The following INSL6 variants were observed in gnomAD, a reference collection of about 807,000 sequenced individuals.
INSL6 encodes insulin like 6, also known as insulin-like peptide INSL6.
In INSL6, 16 loss-of-function variants were observed where a neutral mutation model predicts 9.4. The observed-to-expected ratio is 1.70, with a 90% CI of 1.15 to 2.59. INSL6 has a LOEUF of 2.59. Among genes scored for constraint, INSL6 ranks in the 30% most tolerant of loss-of-function variants. The pLI, the probability that INSL6 is intolerant of heterozygous loss-of-function variation, is 0.00. For synonymous variants in INSL6, 154 were observed against 96.9 expected (o/e 1.59, Z -3.46); for missense variants, 391 against 257.3 (o/e 1.52, Z -3.56).
chr9:5,082,446 C>T, the INSL6 span, among the ~76,000 whole-genome samples: 12 of 152,332 alleles, frequency 7.9e-5, no homozygotes, highest in East Asian at 3.9e-4. Flanking sequence ...TCTCGCCTCC[C>T]GCCACAGGGC....
chr9:5,117,740 C>G, the INSL6 span, among the ~76,000 whole-genome samples: 1 of 151,954 alleles, frequency 6.6e-6, no homozygotes, highest in African/African-American at 2.4e-5. Flanking sequence ...ATATAACTCA[C>G]AGAAACAAAA....
intron 1 of INSL6, among the ~76,000 whole-genome samples, chr9:5,177,783 G>T (rs1217471192): frequency 1.3e-5 from 2 of 152,174 alleles, no homozygotes; most frequent in Non-Finnish European, 2.9e-5. Context: ...CAGCCTCCCA[G>T]CTTTGGAGAA....
At chr9:5,009,298 C>T in the INSL6 span, among the ~76,000 whole-genome samples, 1 of 152,032 alleles carries the variant, frequency 6.6e-6, no homozygotes, top group African/African-American at 2.4e-5. Flanking sequence ...AATACTGCTT[C>T]ATGATAAAGA....
the INSL6 span, chr9:5,110,182 C>T: frequency 6.6e-6 from 1 of 152,156 alleles, no homozygotes; most frequent in Non-Finnish European, 1.5e-5. Flanking sequence ...ATAGAAGGCC[C>T]AACCCCAGCC....
chr9:5,122,972 CTGTCTT>C (rs1564026862), downstream of INSL6: 1 of 1,374,844 alleles, frequency 7.3e-7, no homozygotes, highest in Non-Finnish European at 1.0e-6. Context: ...TATCAAGTAA[CTGTCTT>C]TTAAATGTTA....
chr9:5,156,552 T>A (rs964099782), intron 2 of INSL6, among the ~76,000 whole-genome samples: 2 of 152,080 alleles, frequency 1.3e-5, no homozygotes, highest in Admixed American at 6.5e-5. Context: ...TAAAAAAAAA[T>A]TCTCAGCAAA....
At chr9:5,022,263 T>G in the INSL6 span, 1 of 1,285,446 alleles carries the variant, frequency 7.8e-7, no homozygotes, top group Middle Eastern at 1.8e-4. Context: ...ATTGTTTTAA[T>G]TATGCTATGC....
chr9:5,084,928 C>G, the INSL6 span: 1 of 560,350 alleles, frequency 1.8e-6, no homozygotes, highest in Non-Finnish European at 3.4e-6. Flanking sequence ...ATGAAGCAAA[C>G]AAAGTGTATT....
chr9:5,066,134 A>G, the INSL6 span, among the ~76,000 whole-genome samples: 2 of 152,122 alleles, frequency 1.3e-5, no homozygotes, highest in Non-Finnish European at 2.9e-5. Flanking sequence ...TTTCTTTTGT[A>G]TAGATTATAT....
chr9:5,041,820 G>A, the INSL6 span: 3 of 483,180 alleles, frequency 6.2e-6, no homozygotes, highest in African/African-American at 3.9e-5. Flanking sequence ...CAAAAACCAG[G>A]CGCTGAACTC....
chr9:5,183,919 C>T (rs1825511627), intron 1 of INSL6, among the ~76,000 whole-genome samples: 1 of 152,108 alleles, frequency 6.6e-6, no homozygotes, highest in Non-Finnish European at 1.5e-5. Flanking sequence ...GGTAAATTAA[C>T]AGGATTCCCA....
chr9:5,003,765 C>T, the INSL6 span, among the ~76,000 whole-genome samples: 1 of 152,044 alleles, frequency 6.6e-6, no homozygotes, highest in Non-Finnish European at 1.5e-5. Flanking sequence ...TGATTTTAGA[C>T]ATGATTGTTA....
At chr9:5,036,751 T>G in the INSL6 span, among the ~76,000 whole-genome samples, 10 of 152,088 alleles carry the variant, frequency 6.6e-5, no homozygotes, top group African/African-American at 9.7e-5. Flanking sequence ...CCTAAAACCA[T>G]AAAAACCCTA....
chr9:5,019,153 CT>C, the INSL6 span, among the ~76,000 whole-genome samples: 1 of 152,064 alleles, frequency 6.6e-6, no homozygotes, highest in Non-Finnish European at 1.5e-5. Flanking sequence ...TTTTCTATTC[CT>C]TTTGTATTTT....
chr9:5,006,051 G>T, the INSL6 span, among the ~76,000 whole-genome samples: 1 of 152,172 alleles, frequency 6.6e-6, no homozygotes, highest in South Asian at 2.1e-4. Context: ...GTAGCTTGAT[G>T]GGGATGGCAT....
At chr9:5,004,007 AT>A in the INSL6 span, among the ~76,000 whole-genome samples, 3 of 152,074 alleles carry the variant, frequency 2.0e-5, no homozygotes, top group Admixed American at 1.3e-4. Context: ...TATTTAAAAA[AT>A]TTTTTTCTAA....
chr9:5,182,090 G>C (rs1192563570), intron 1 of INSL6, among the ~76,000 whole-genome samples: 1 of 152,086 alleles, frequency 6.6e-6, no homozygotes, highest in Non-Finnish European at 1.5e-5. Flanking sequence ...ACACTTCTAG[G>C]TTCATAAGGG....
the INSL6 span, among the ~76,000 whole-genome samples, chr9:5,042,523 G>T: frequency 6.6e-6 from 1 of 152,196 alleles, no homozygotes; most frequent in Admixed American, 6.5e-5. Flanking sequence ...GGAAAAAAAA[G>T]AAAGGCCCCC....
chr9:5,179,894 T>C (rs1825407652), intron 1 of INSL6, among the ~76,000 whole-genome samples: 1 of 152,146 alleles, frequency 6.6e-6, no homozygotes, highest in Non-Finnish European at 1.5e-5. Context: ...TAATGGATGC[T>C]GGGATTAATA....
Sources: gnomAD v4.1 joint callset for allele counts (sites outside exome capture counted in the v4.1 genomes callset) on GRCh38, gnomAD v4.1.1 for gene constraint, MANE v1.5 for transcripts, NCBI Gene and HGNC (gene_info 2026-07-23, HGNC 2026-07-21) for gene names.